Variants in NEK10 observed in about 807,000 individuals in gnomAD.
The protein encoded by NEK10 is NIMA related kinase 10, also known as serine/threonine-protein kinase Nek10.
NEK10 carries 122 observed loss-of-function variants against 159.8 expected under a neutral mutation model. The ratio of observed to expected loss-of-function variants is 0.76; its 90% CI spans 0.66 to 0.89. The LOEUF (loss-of-function observed/expected upper bound fraction) is 0.89. Ranked by LOEUF, NEK10 falls within the 40% of genes least tolerant of loss-of-function variation. The probability of loss-of-function intolerance (pLI) is 0.00; values close to 1 mark genes in which losing one functional copy is unlikely to be tolerated. For synonymous variants in NEK10, 466 were observed against 457.1 expected (o/e 1.02, Z -0.25); for missense variants, 1,342 against 1,323.1 (o/e 1.01, Z -0.22).
intron 5 of NEK10, among the ~76,000 whole-genome samples, chr3:27,329,189 G>A (rs910880520): frequency 2.6e-5 from 4 of 152,176 alleles, no homozygotes; most frequent in African/African-American, 9.7e-5. Flanking sequence ...TGCCATCCAT[G>A]TAAGACATGA....
chr3:27,197,780 G>C (rs1031896273), intron 25 of NEK10, among the ~76,000 whole-genome samples: 1 of 148,372 alleles, frequency 6.7e-6, no homozygotes, highest in South Asian at 2.1e-4. Flanking sequence ...TGACTGCTCT[G>C]ACCAGTACTT....
chr3:27,233,809 A>C (rs1204516599), intron 23 of NEK10, among the ~76,000 whole-genome samples: 1 of 152,114 alleles, frequency 6.6e-6, no homozygotes, highest in South Asian at 2.1e-4. Context: ...TGGCAGAGAT[A>C]CAACAAAAAA....
chr3:27,224,196 C>A (rs1952399990), intron 23 of NEK10, among the ~76,000 whole-genome samples: 1 of 152,192 alleles, frequency 6.6e-6, no homozygotes, highest in Non-Finnish European at 1.5e-5. Flanking sequence ...CCAGATCTGT[C>A]CTGTCCCAAC....
chr3:27,205,238 C>A (rs1950436953), intron 23 of NEK10, among the ~76,000 whole-genome samples: 1 of 149,438 alleles, frequency 6.7e-6, no homozygotes. Flanking sequence ...ACATTCCATG[C>A]TCATGGGTAG....
At chr3:27,302,962 G>A (rs2043949800) in intron 12 of NEK10, among the ~76,000 whole-genome samples, 1 of 152,134 alleles carries the variant, frequency 6.6e-6, no homozygotes, top group Admixed American at 6.5e-5. Context: ...ATGAGAAAGT[G>A]TCCCAGAAAC....
intron 23 of NEK10, among the ~76,000 whole-genome samples, chr3:27,249,495 C>G (rs1309168643): frequency 6.6e-6 from 1 of 152,040 alleles, no homozygotes; most frequent in Non-Finnish European, 1.5e-5. Flanking sequence ...TCTCTTCTTA[C>G]AGTTTTTGTC....
chr3:27,289,450 A>G (rs1383876971), intron 19 of NEK10, among the ~76,000 whole-genome samples: 2 of 152,214 alleles, frequency 1.3e-5, no homozygotes, highest in Non-Finnish European at 2.9e-5. Flanking sequence ...AGTTACCTCA[A>G]AGCCCAAGCA....
At chr3:27,231,402 AG>A (rs1373308293) in intron 23 of NEK10, among the ~76,000 whole-genome samples, 1 of 152,066 alleles carries the variant, frequency 6.6e-6, no homozygotes, top group Non-Finnish European at 1.5e-5. Flanking sequence ...AGTCTGAAAG[AG>A]CACAAATTGA....
At chr3:27,191,459 T>G (rs11929690) in intron 26 of NEK10, among the ~76,000 whole-genome samples, 34,769 of 152,184 alleles carry the variant, frequency 0.23, 4,295 homozygotes, top group Middle Eastern at 0.37. Flanking sequence ...TGCTTGCACA[T>G]GTGGATATTT....
At chr3:27,333,601 C>A (rs1187614258) in intron 5 of NEK10, among the ~76,000 whole-genome samples, 1 of 152,104 alleles carries the variant, frequency 6.6e-6, no homozygotes, top group Non-Finnish European at 1.5e-5. Context: ...ATCCTGCAAC[C>A]CAGTAGCACC....
chr3:27,111,352 A>G (rs1175541357), intron 35 of NEK10, 32 bp from the exon 36 acceptor site: 1 of 1,514,134 alleles, frequency 6.6e-7, no homozygotes, highest in Non-Finnish European at 9.0e-7. Flanking sequence ...AGAATTCTCT[A>G]TAGTTACAAA....
chr3:27,250,075 G>C (rs188317465), intron 23 of NEK10, among the ~76,000 whole-genome samples: 105 of 152,082 alleles, frequency 6.9e-4, no homozygotes, highest in South Asian at 1.5e-3. Context: ...GCTATGTCTT[G>C]AAAAGTTGTT....
chr3:27,344,539 C>T (rs532010596), intron 4 of NEK10, among the ~76,000 whole-genome samples, 169 bp from the exon 5 acceptor site: 2 of 152,184 alleles, frequency 1.3e-5, no homozygotes, highest in African/African-American at 4.8e-5. Context: ...TAACATGTTG[C>T]TAAAAGCAAC....
At chr3:27,256,078 G>T (rs554887807) in intron 23 of NEK10, among the ~76,000 whole-genome samples, 19 of 152,268 alleles carry the variant, frequency 1.2e-4, no homozygotes, top group African/African-American at 4.3e-4. Flanking sequence ...CCCATGAGGG[G>T]CATGATACCT....
At chr3:27,219,987 C>T (rs1951925095) in intron 23 of NEK10, among the ~76,000 whole-genome samples, 1 of 151,892 alleles carries the variant, frequency 6.6e-6, no homozygotes, top group Non-Finnish European at 1.5e-5. Context: ...TCAAAAAAAC[C>T]CAAAACTTAG....
Position 27,290,757 on chromosome 3 carries a change from A to G in NEK10, c.1606-3T>C. ...TTTTGACCACTATGCTTTCTAACCT[A>G]AAATAAAGAAAAACACAACAACAAC... On this transcript the variant is annotated splice_polypyrimidine_tract_variant and splice_region_variant and intron_variant, in intron 18 of 35. Transcript: ENST00000691995. The G allele has an allele frequency of 6.3e-7, 1 of 1,587,356 alleles. No homozygotes were observed. Among genetic ancestry groups the G allele is most frequent in the Non-Finnish European group, 8.6e-7 (1 of 1,168,030 alleles).
At chr3:27,208,010 T>C (rs946856674) in intron 23 of NEK10, among the ~76,000 whole-genome samples, 2 of 152,140 alleles carry the variant, frequency 1.3e-5, no homozygotes, top group African/African-American at 4.8e-5. Flanking sequence ...ATAAAATGTG[T>C]GTGTGTGTAT....
Position 27,159,743 on chromosome 3 carries a change from A to T in NEK10, c.2869+2958T>A, listed in dbSNP as rs1223205675. 2.0e-5 allele frequency among the ~76,000 whole-genome samples: 3 copies of T among 152,010 alleles called. No individual in the cohort carries two copies. In the South Asian group the frequency reaches 6.2e-4, roughly 32 times the overall value. On this transcript the variant is annotated intron_variant, in intron 30 of 35. Coordinates refer to ENST00000691995, the MANE Select transcript of NEK10 (RefSeq NM_001394966.1). ...AATACAAGTAATGTAAAATAGTTTCATTGTTATTTGTTCTAGAAGAGTTTG... is the reference window on the plus strand; with the variant it reads ...AATACAAGTAATGTAAAATAGTTTCTTTGTTATTTGTTCTAGAAGAGTTTG...
At chr3:27,335,727 A>G (rs1417192749) in intron 5 of NEK10, among the ~76,000 whole-genome samples, 1 of 152,222 alleles carries the variant, frequency 6.6e-6, no homozygotes, top group African/African-American at 2.4e-5. Flanking sequence ...AAACTACACA[A>G]ATACATGGAA....
Sources: allele counts gnomAD v4.1 joint callset (sites outside exome capture counted in the v4.1 genomes callset), GRCh38; gene constraint gnomAD v4.1.1; transcripts MANE v1.5; gene names NCBI Gene and HGNC (gene_info 2026-07-23, HGNC 2026-07-21).